The following AKNA variants were observed in gnomAD, a reference collection of about 807,000 sequenced individuals.
AKNA encodes the protein microtubule organization protein AKNA.
A neutral mutation model predicts 138.8 loss-of-function variants in AKNA; 67 were observed. That is an observed-to-expected ratio of 0.48 (90% CI 0.40 to 0.59). AKNA has a LOEUF of 0.59. AKNA is among the 20% of genes least tolerant of loss of function. AKNA has a pLI of 0.00. For synonymous variants in AKNA, 737 were observed against 754.4 expected (o/e 0.98, Z 0.38); for missense variants, 1,813 against 1,880.4 (o/e 0.96, Z 0.66).
chr9:114,332,718 G>A (rs1829878653), downstream of AKNA, among the ~76,000 whole-genome samples: 2 of 152,106 alleles, frequency 1.3e-5, no homozygotes, highest in South Asian at 2.1e-4. Context: ...AGGGAGCCTC[G>A]AATGGGTCCC....
chr9:114,352,028 A>C (rs866433731), intron 14 of AKNA, among the ~76,000 whole-genome samples: 1 of 152,192 alleles, frequency 6.6e-6, no homozygotes, highest in African/African-American at 2.4e-5. Flanking sequence ...AAATGATAAA[A>C]TTATAGAAAT....
chr9:114,358,058 G>A lies in AKNA; in HGVS notation c.2602C>T (p.Pro868Ser), dbSNP rs914421635. The change falls in exon 12 of 22, where the codon CCT becomes TCT. Residue 868 changes from proline to serine, a missense_variant. Physicochemically the swap from Pro to Ser is moderately conservative, Grantham distance 74. Coordinates refer to ENST00000374088, the MANE Select transcript of AKNA (RefSeq NM_001317950.2). ...LGKAEAAPPG[P>S]GVPPHPPGTK... Reference sequence around the variant, plus strand: ...CCTGGAGGGTGGGGTGGCACGCCAGGGCCTGGAGGGGCTGCCTCAGCCTTG... The same window carrying A: ...CCTGGAGGGTGGGGTGGCACGCCAGAGCCTGGAGGGGCTGCCTCAGCCTTG... 1.7e-5 allele frequency: 27 copies of A among 1,613,252 alleles called. No homozygotes were observed. Among genetic ancestry groups the A allele is most frequent in the Non-Finnish European group, 2.3e-5 (27 of 1,179,440 alleles).
At chr9:114,358,311 T>C (rs1349465846) in intron 11 of AKNA, 144 bp from the exon 12 acceptor site, 2 of 1,151,524 alleles carry the variant, frequency 1.7e-6, no homozygotes, top group African/African-American at 3.1e-5. Context: ...TGCCACCTTC[T>C]AGCTGTGTGA....
upstream of AKNA, among the ~76,000 whole-genome samples, chr9:114,398,024 C>T (rs928511579): frequency 7.7e-4 from 118 of 152,328 alleles, 1 homozygote; most frequent in Non-Finnish European, 8.4e-4. This position sits in a 1 kb window ranked among gnomAD's most constrained non-coding sequence, Gnocchi z 4.2. Context: ...GGCCACGCCT[C>T]CAGCCCAAAC....
intron 1 of AKNA, among the ~76,000 whole-genome samples, chr9:114,394,128 G>T (rs1226794164): frequency 6.6e-6 from 1 of 151,640 alleles, no homozygotes; most frequent in South Asian, 2.1e-4. Flanking sequence ...AGCCAAGATC[G>T]TGCCACCCCA....
chr9:114,385,144 C>T (rs1321686215), intron 1 of AKNA, among the ~76,000 whole-genome samples: 4 of 152,194 alleles, frequency 2.6e-5, no homozygotes, highest in Non-Finnish European at 5.9e-5. Context: ...ATGAGCCACC[C>T]ACCCAGCTGG....
chr9:114,361,626 A>G, intron 9 of AKNA, 78 bp downstream of exon 9: 1 of 1,450,644 alleles, frequency 6.9e-7, no homozygotes. Flanking sequence ...ATAAATATGT[A>G]ATACGTATTG....
chr9:114,377,029 TG>T lies in AKNA; in HGVS notation c.777del (p.Met260TrpfsTer59). 6.2e-7 allele frequency: 1 copy of T among 1,613,646 alleles called. No individual in the cohort carries two copies. The highest frequency in any genetic ancestry group is 8.5e-7 in the Non-Finnish European group (1 of 1,179,864). On this transcript the variant is annotated frameshift_variant, in exon 3 of 22. Coordinates refer to ENST00000374088, the MANE Select transcript of AKNA (RefSeq NM_001317950.2). LOFTEE classifies it high-confidence loss of function. ...RTGGSVARAT[P>X]MEFQDSSAPP... ...GGAGCTGAGGAGTCCTGGAATTCCA[TG>T]GGGGTTGCCCGAGCAACACTGCCTC...
rs564099350 is a variant in AKNA, at chr9:114,374,269, G to T, written c.1342-102C>A. On this transcript the variant is annotated intron_variant, in intron 3 of 21. Transcript: ENST00000374088. ...AAACCCCCTTCCATAAGGGCTTCTG[G>T]GTTCCTGAGAGGAAAGCATTCAATG... The T allele has an allele frequency of 3.4e-5, 39 of 1,162,560 alleles. No homozygotes were observed. The Admixed American group carries it at 6.2e-4, about 18-fold the overall frequency. The allele number at this position is 1,162,560 out of a possible 1,614,324, so 72.0% of individuals were successfully genotyped here. A position where few individuals can be genotyped will look rare whatever the true frequency, so the allele number is the denominator to read the frequency against.
At chr9:114,342,266 C>T (rs1588943268) in intron 19 of AKNA, 141 bp from the exon 20 acceptor site, 1 of 594,058 alleles carries the variant, frequency 1.7e-6, no homozygotes, top group Non-Finnish European at 2.9e-6. Context: ...TGGGTGATGA[C>T]ATTGACAACA....
Position 114,336,710 on chromosome 9 carries a change from T to TATCTGTCCA in AKNA, c.*335_*343dup, listed in dbSNP as rs1472316952. The TATCTGTCCA allele has an allele frequency of 3.6e-6, 1 of 274,834 alleles. No individual in the cohort carries two copies. The highest frequency in any genetic ancestry group is 6.7e-6 in the Non-Finnish European group (1 of 148,192). The allele number at this position is 274,834 out of a possible 1,614,324, so 17.0% of individuals were successfully genotyped here. ...AGGAAAACTCCCCAGTTTAAAAAAA[T>TATCTGTCCA]ATCTGTCCATCTGTATATAAAATAC... On this transcript the variant is annotated 3_prime_UTR_variant, in exon 22 of 22. Transcript: ENST00000374088.
Position 114,381,239 on chromosome 9 carries a change from T to G in AKNA, c.95A>C (p.Asp32Ala). The change falls in exon 2 of 22, where the codon GAT becomes GCT. Residue 32 changes from aspartate (D) to alanine (A), a missense_variant. Physicochemically the swap from Asp to Ala is moderately radical, Grantham distance 126. Coordinates refer to ENST00000374088, the MANE Select transcript of AKNA (RefSeq NM_001317950.2). Reference protein sequence around the residue: ...RRWAWAEDKRDVDRSSSQSWE... With the variant: ...RRWAWAEDKRAVDRSSSQSWE... ...GCTTTGTGAACTACTTCTATCCACA[T>G]CCCTCTTGTCCTCGGCCCAGGCCCA... 6.2e-7 allele frequency: 1 copy of G among 1,614,144 alleles called. No individual in the cohort carries two copies. The highest frequency in any genetic ancestry group is 1.1e-5 in the South Asian group (1 of 91,070).
At chr9:114,348,633 C>T (rs1830874353) in intron 15 of AKNA, among the ~76,000 whole-genome samples, 1 of 152,232 alleles carries the variant, frequency 6.6e-6, no homozygotes, top group African/African-American at 2.4e-5. Flanking sequence ...CAACCTCCAG[C>T]CACCAGCACT....
rs576712033 is a variant in AKNA, at chr9:114,335,375, A to T, written c.*1679T>A. ...AAAGGGGGGCAGAGTGAGGGTCCTG[A>T]GGGTTAGCACATGGACTGTGTGAAG... On this transcript the variant is annotated 3_prime_UTR_variant, in exon 22 of 22. Coordinates refer to ENST00000374088, the MANE Select transcript of AKNA (RefSeq NM_001317950.2). 3.3e-5 allele frequency: 5 copies of T among 152,268 alleles called. No homozygotes were observed. The highest frequency in any genetic ancestry group is 7.3e-5 in the Non-Finnish European group (5 of 68,082). The allele number at this position is 152,268 out of a possible 1,614,324, so 9.4% of individuals were successfully genotyped here.
intron 1 of AKNA, among the ~76,000 whole-genome samples, chr9:114,383,625 G>A (rs1833837576): frequency 6.6e-6 from 1 of 152,194 alleles, no homozygotes; most frequent in Non-Finnish European, 1.5e-5. Flanking sequence ...TTTCTCCCCT[G>A]CATGCTGTGT....
chr9:114,377,662 G>T, intron 2 of AKNA, 130 bp from the exon 3 acceptor site: 1 of 978,292 alleles, frequency 1.0e-6, no homozygotes, highest in Non-Finnish European at 1.5e-6. Flanking sequence ...TCCCAAGGTG[G>T]TGGTAGACTT....
In AKNA at chr9:114,347,865, C is replaced by T. The variant is rs946636463; in HGVS notation, c.3257G>A (p.Arg1086Gln). Residue 1086 changes from arginine (R) to glutamine (Q), a missense_variant, in exon 16 of 22, where the codon CGG (arginine) becomes CAG (glutamine). Transcript: ENST00000374088. The stretch of plus-strand genomic sequence containing the variant: ...GCTGTCTTCCAGCCGCAGACGAAGC[C>T]GGGACACCTCTTCTTGCAGCTCACA... ...AICELQEEVS[R>Q]LRLRLEDSLH... 2 of 1,551,028 alleles carry T rather than the reference C, an allele frequency of 1.3e-6. No homozygotes were observed. The highest frequency in any genetic ancestry group is 2.5e-5 in the East Asian group (1 of 40,662).
At chr9:114,385,030 T>C (rs1432975641) in intron 1 of AKNA, among the ~76,000 whole-genome samples, 1 of 152,024 alleles carries the variant, frequency 6.6e-6, no homozygotes, top group Non-Finnish European at 1.5e-5. Context: ...TAAAAATTTT[T>C]TTTTGTCGAG....
At chr9:114,372,546 T>C (rs1047986518) in intron 4 of AKNA, among the ~76,000 whole-genome samples, 2 of 151,660 alleles carry the variant, frequency 1.3e-5, no homozygotes, top group African/African-American at 4.9e-5. Flanking sequence ...CTTAAACGAG[T>C]GCAGGAGGAA....
Sources: allele counts gnomAD v4.1 joint callset (sites outside exome capture counted in the v4.1 genomes callset), GRCh38; gene constraint gnomAD v4.1.1; non-coding constraint Gnocchi (gnomAD v3.1); transcripts MANE v1.5; gene names NCBI Gene and HGNC (gene_info 2026-07-23, HGNC 2026-07-21).